The following RCC1L variants were observed in gnomAD, a reference collection of about 807,000 sequenced individuals.
RCC1L encodes RCC1 like.
RCC1L carries 46 observed loss-of-function variants against 58.6 expected under a neutral mutation model. That is an observed-to-expected ratio of 0.79 (90% CI 0.62 to 1.00). The LOEUF is 1.00. Among genes scored for constraint, RCC1L ranks in the 50% least tolerant of loss-of-function variants. The pLI is 0.00. For synonymous variants in RCC1L, 281 were observed against 262.9 expected (o/e 1.07, Z -0.67); for missense variants, 636 against 623.6 (o/e 1.02, Z -0.21).
At chr7:75,030,310 T>C (rs1249344138) in intron 10 of RCC1L, among the ~76,000 whole-genome samples, 1 of 152,184 alleles carries the variant, frequency 6.6e-6, no homozygotes, top group Non-Finnish European at 1.5e-5. Flanking sequence ...TGGGACTGGC[T>C]CTTGGAGTAT....
chr7:75,048,394 A>AG (rs1383320701), intron 10 of RCC1L, among the ~76,000 whole-genome samples: 3 of 152,274 alleles, frequency 2.0e-5, no homozygotes, highest in Admixed American at 6.5e-5. Context: ...CCTGACCTGC[A>AG]GGGCCCACGG....
In RCC1L at chr7:75,073,594, G is replaced by C; in HGVS notation, c.144C>G (p.Val48=). 2.0e-6 allele frequency: 3 copies of C among 1,531,618 alleles called. No individual in the cohort carries two copies. Among genetic ancestry groups the C allele is most frequent in the Non-Finnish European group, 2.6e-6 (3 of 1,150,192 alleles). The allele number at this position is 1,531,618 out of a possible 1,614,324, so 94.9% of individuals were successfully genotyped here. ...AAEAEAEVPV[V]QYVGERAARA... ...GGGCAGCGCGCTCGCCCACGTACTG[G>C]ACCACGGGCACCTCCGCCTCGGCTT... The change falls in exon 1 of 11, where the codon GTC becomes GTG. Residue 48 remains valine, a synonymous_variant. Coordinates refer to ENST00000610322, the MANE Select transcript of RCC1L (RefSeq NM_030798.5).
chr7:75,051,109 C>CA (rs1450308162), intron 10 of RCC1L, among the ~76,000 whole-genome samples: 1 of 149,694 alleles, frequency 6.7e-6, no homozygotes, highest in Admixed American at 6.7e-5. Flanking sequence ...TAAGCAAAAA[C>CA]AAAAAAACAA....
intron 10 of RCC1L, chr7:75,028,116 ATTTTTTTT>A: frequency 7.9e-7 from 1 of 1,263,828 alleles, no homozygotes; most frequent in Non-Finnish European, 1.0e-6. Flanking sequence ...ATGATGTGGA[ATTTTTTTT>A]TTTTTTTTTT....
At chr7:75,030,963 T>C (rs1007598883) in intron 10 of RCC1L, among the ~76,000 whole-genome samples, 3 of 152,138 alleles carry the variant, frequency 2.0e-5, no homozygotes, top group Admixed American at 6.6e-5. Context: ...ACCCAAACTT[T>C]GGAGGTGGCA....
downstream of RCC1L, among the ~76,000 whole-genome samples, chr7:75,040,856 A>T (rs1425915971): frequency 6.6e-6 from 1 of 152,162 alleles, no homozygotes; most frequent in Non-Finnish European, 1.5e-5. Flanking sequence ...TAGATATCTG[A>T]GTGGCTGGTT....
chr7:75,066,549 T>G, intron 3 of RCC1L, 115 bp downstream of exon 3: 3 of 1,416,400 alleles, frequency 2.1e-6, no homozygotes, highest in Non-Finnish European at 2.9e-6. Context: ...AAATACCACA[T>G]TTCACTCATT....
rs993300428 is a variant in RCC1L, at chr7:75,056,707, A to T, written c.1058-633T>A. 8.9e-5 allele frequency: 137 copies of T among 1,535,478 alleles called. 1 individual carries two copies. In the South Asian group the frequency reaches 1.4e-3, roughly 16 times the overall value. On this transcript the variant is annotated intron_variant, in intron 8 of 10. Transcript: ENST00000610322. ...CCAGAGGTTTGCTCTAGGATGACTC[A>T]GCTCTGTGGCCATGTATCTACAGAT...
chr7:75,029,173 C>T (rs961509965), intron 10 of RCC1L, among the ~76,000 whole-genome samples: 21 of 152,174 alleles, frequency 1.4e-4, no homozygotes, highest in African/African-American at 4.8e-4. Flanking sequence ...AAGGTGAACA[C>T]AGGCCACCTC....
chr7:75,055,813 C>A, intron 9 of RCC1L, 88 bp downstream of exon 9: 2 of 1,517,122 alleles, frequency 1.3e-6, no homozygotes, highest in Non-Finnish European at 1.8e-6. Context: ...ATGGGTGGAA[C>A]CTGAGAGCTG....
chr7:75,044,979 G>A (rs1343218529), intron 10 of RCC1L, among the ~76,000 whole-genome samples: 1 of 151,852 alleles, frequency 6.6e-6, no homozygotes, highest in African/African-American at 2.4e-5. Flanking sequence ...CCGAGATCAC[G>A]CCATTGCACT....
chr7:75,030,170 G>A (rs986326235), intron 10 of RCC1L, among the ~76,000 whole-genome samples: 1 of 152,254 alleles, frequency 6.6e-6, no homozygotes, highest in Non-Finnish European at 1.5e-5. Flanking sequence ...AGGGTGGCCT[G>A]TGTGCTAGGA....
chr7:75,063,369 A>T, intron 4 of RCC1L, 26 bp from the exon 5 acceptor site: 1 of 1,613,608 alleles, frequency 6.2e-7, no homozygotes, highest in African/African-American at 1.3e-5. Flanking sequence ...AATTGGGAAG[A>T]AGCAAGGGAT....
chr7:75,070,311 C>T (rs1806673738), intron 2 of RCC1L, among the ~76,000 whole-genome samples: 1 of 152,174 alleles, frequency 6.6e-6, no homozygotes, highest in Non-Finnish European at 1.5e-5. Context: ...TGCCTCATGC[C>T]TGTAATCACA....
At chr7:75,062,089 G>A (rs1362836976) in intron 5 of RCC1L, among the ~76,000 whole-genome samples, 1 of 152,130 alleles carries the variant, frequency 6.6e-6, no homozygotes, top group Non-Finnish European at 1.5e-5. Flanking sequence ...TCGGGAGTCT[G>A]AGGCACGAGA....
chr7:75,036,668 C>T (rs1206156780), intron 10 of RCC1L, among the ~76,000 whole-genome samples: 5 of 151,868 alleles, frequency 3.3e-5, no homozygotes, highest in Non-Finnish European at 7.4e-5. Flanking sequence ...CCGAGGTGGG[C>T]GGATTACATG....
intron 10 of RCC1L, among the ~76,000 whole-genome samples, chr7:75,047,425 C>T (rs982075150): frequency 6.6e-6 from 1 of 152,150 alleles, no homozygotes; most frequent in Admixed American, 6.6e-5. Flanking sequence ...CGCCACTGCA[C>T]CTGGGTCATT....
downstream of RCC1L, among the ~76,000 whole-genome samples, chr7:75,041,865 A>G: frequency 8.5e-6 from 1 of 118,208 alleles, no homozygotes; most frequent in East Asian, 2.0e-4. Flanking sequence ...CTCTGTCTCA[A>G]AAAAAAAAAA....
chr7:75,058,527 G>T, intron 7 of RCC1L, 61 bp downstream of exon 7: 10 of 1,535,618 alleles, frequency 6.5e-6, no homozygotes, highest in Non-Finnish European at 8.8e-6. Context: ...CACCACACCC[G>T]GCCCCTTAAC....
Sources: gnomAD v4.1 joint callset for allele counts (sites outside exome capture counted in the v4.1 genomes callset) on GRCh38, gnomAD v4.1.1 for gene constraint, MANE v1.5 for transcripts, NCBI Gene and HGNC (gene_info 2026-07-23, HGNC 2026-07-21) for gene names.